GPC5: variants seen among roughly 807,000 people sequenced by gnomAD.
GPC5 encodes glypican-5.
In GPC5, 47 loss-of-function variants were observed where a neutral mutation model predicts 53.9. The ratio of observed to expected loss-of-function variants is 0.87; its 90% CI spans 0.69 to 1.11. GPC5 has a LOEUF of 1.11. Among genes scored for constraint, GPC5 ranks in the 50% most tolerant of loss-of-function variants. The probability of loss-of-function intolerance (pLI) is 0.00; values close to 1 mark genes in which losing one functional copy is unlikely to be tolerated. For synonymous variants in GPC5, 286 were observed against 263.3 expected (o/e 1.09, Z -0.84); for missense variants, 748 against 713.1 (o/e 1.05, Z -0.56).
intron 7 of GPC5, among the ~76,000 whole-genome samples, chr13:92,370,213 A>AT (rs915041828): frequency 1.3e-5 from 2 of 152,134 alleles, no homozygotes; most frequent in African/African-American, 4.8e-5. Flanking sequence ...TTAAAAATGT[A>AT]TTTTTTCCTA....
At chr13:91,812,781 A>G (rs1040578438) in intron 5 of GPC5, among the ~76,000 whole-genome samples, 9 of 152,202 alleles carry the variant, frequency 5.9e-5, no homozygotes, top group Admixed American at 5.2e-4. Context: ...TATATCACCA[A>G]TCACTTAACT....
chr13:92,437,057 C>T (rs1163998035), intron 7 of GPC5, among the ~76,000 whole-genome samples: 1 of 152,160 alleles, frequency 6.6e-6, no homozygotes, highest in African/African-American at 2.4e-5. Context: ...AGCAATCAAA[C>T]TGCAATCCCA....
intron 7 of GPC5, among the ~76,000 whole-genome samples, chr13:92,584,878 C>A (rs538690014): frequency 3.3e-5 from 5 of 152,106 alleles, no homozygotes; most frequent in South Asian, 2.1e-4. Context: ...GGTGGAAGCC[C>A]GAAGCCTTGG....
chr13:92,147,546 T>C (rs1355843084), intron 7 of GPC5, among the ~76,000 whole-genome samples: 1 of 152,076 alleles, frequency 6.6e-6, no homozygotes, highest in Non-Finnish European at 1.5e-5. Context: ...CATATTCAAC[T>C]ACTAATAGTT....
At chr13:92,018,118 A>C (rs1275589216) in intron 6 of GPC5, among the ~76,000 whole-genome samples, 1 of 152,128 alleles carries the variant, frequency 6.6e-6, no homozygotes, top group East Asian at 1.9e-4. Flanking sequence ...CAGAATTGCC[A>C]AATTCATTGC....
In GPC5 at chr13:92,546,789, A is replaced by G. The variant is rs188443709; in HGVS notation, c.1562-319493A>G. 1.7e-3 allele frequency among the ~76,000 whole-genome samples: 253 copies of G among 152,352 alleles called. No homozygotes were observed. The East Asian group carries it at 0.023, about 14-fold the overall frequency. ...ACTATGCTACAAGGCTACAGTAACC[A>G]AAACAGCATGGTACTGCTACCAAAA... On this transcript the variant is annotated intron_variant, in intron 7 of 7. Transcript: ENST00000377067.
At chr13:92,652,429 C>A (rs1885988619) in intron 7 of GPC5, among the ~76,000 whole-genome samples, 1 of 151,938 alleles carries the variant, frequency 6.6e-6, no homozygotes, top group African/African-American at 2.4e-5. Flanking sequence ...GCCAAATTTC[C>A]TGATTTCATT....
chr13:92,765,266 A>C (rs909053100), intron 7 of GPC5, among the ~76,000 whole-genome samples: 18 of 152,170 alleles, frequency 1.2e-4, no homozygotes, highest in African/African-American at 4.1e-4. Flanking sequence ...TGAATTTAAG[A>C]ACAGATTCAT....
chr13:92,402,625 CCCCTCA>C (rs1174002111), intron 7 of GPC5, among the ~76,000 whole-genome samples: 1 of 152,170 alleles, frequency 6.6e-6, no homozygotes, highest in Non-Finnish European at 1.5e-5. Flanking sequence ...GCAGCCTAGA[CCCCTCA>C]CATGCGCAGT....
chr13:91,988,605 A>T (rs924088472), intron 6 of GPC5, among the ~76,000 whole-genome samples: 3 of 152,192 alleles, frequency 2.0e-5, no homozygotes, highest in African/African-American at 2.4e-5. Context: ...ATGCTAAGAA[A>T]GACAAAAATC....
At chr13:92,636,755 A>G (rs1046043909) in intron 7 of GPC5, among the ~76,000 whole-genome samples, 8 of 152,196 alleles carry the variant, frequency 5.3e-5, no homozygotes, top group African/African-American at 1.9e-4. Context: ...AGTGCCTGAC[A>G]TATGGTAGGT....
At chr13:92,226,890 G>T (rs547229626) in intron 7 of GPC5, among the ~76,000 whole-genome samples, 7 of 152,028 alleles carry the variant, frequency 4.6e-5, no homozygotes, top group Admixed American at 2.6e-4. Flanking sequence ...GTGAGCCACC[G>T]TACCTGGCTG....
rs1423046230 is a variant in GPC5, at chr13:91,747,476, T to A, written c.1155-8819T>A. ...GTGCTACAGCCTTTTTCTACTTTAC[T>A]CTGTTGCACAGTGTACAAAGCTGGG... On this transcript the variant is annotated intron_variant, in intron 4 of 7. Coordinates refer to ENST00000377067, the MANE Select transcript of GPC5 (RefSeq NM_004466.6). 2.6e-5 allele frequency among the ~76,000 whole-genome samples: 4 copies of A among 152,326 alleles called. No homozygotes were observed. In the South Asian group the frequency reaches 8.3e-4, roughly 32 times the overall value.
chr13:91,651,798 T>C (rs1453231991), intron 2 of GPC5, among the ~76,000 whole-genome samples: 1 of 152,194 alleles, frequency 6.6e-6, no homozygotes, highest in African/African-American at 2.4e-5. Flanking sequence ...TAAGGAATTC[T>C]AAACATGTGT....
chr13:92,086,866 C>T (rs1043566771), intron 6 of GPC5, among the ~76,000 whole-genome samples: 7 of 152,064 alleles, frequency 4.6e-5, no homozygotes, highest in Non-Finnish European at 7.4e-5. Context: ...ACCATGTTGG[C>T]CAGGCTGGTC....
At chr13:92,606,230 CT>C (rs1197652322) in intron 7 of GPC5, among the ~76,000 whole-genome samples, 2 of 151,988 alleles carry the variant, frequency 1.3e-5, no homozygotes, top group African/African-American at 4.8e-5. Context: ...AATGCTACCC[CT>C]TTCCCTTCCC....
At chr13:91,528,508 T>C (rs1229539922) in intron 2 of GPC5, among the ~76,000 whole-genome samples, 5 of 152,204 alleles carry the variant, frequency 3.3e-5, no homozygotes, top group Admixed American at 6.5e-5. Flanking sequence ...GTCAAAACGA[T>C]TCAACAAGTC....
In GPC5 at chr13:91,593,850, A is replaced by C. The variant is rs117812251; in HGVS notation, c.326-99337A>C. On this transcript the variant is annotated intron_variant, in intron 2 of 7. Transcript: ENST00000377067. ...CAATAAAATAATGTGTGGCCTGATAAATAGCAAAGAGATTTTCTTTCTGGC... is the reference window on the plus strand; with the variant it reads ...CAATAAAATAATGTGTGGCCTGATACATAGCAAAGAGATTTTCTTTCTGGC... Among the ~76,000 whole-genome samples, 68 of 152,256 alleles carry C rather than the reference A, an allele frequency of 4.5e-4. No homozygotes were observed. In the East Asian group the frequency reaches 0.013, roughly 29 times the overall value.
chr13:92,167,871 A>AG (rs1343519076), intron 7 of GPC5, among the ~76,000 whole-genome samples: 1 of 81,990 alleles, frequency 1.2e-5, no homozygotes, highest in South Asian at 6.5e-4. Context: ...CTTAGGACCA[A>AG]GAAAAAAAAA....
Sources: allele counts gnomAD v4.1 joint callset (sites outside exome capture counted in the v4.1 genomes callset), GRCh38; gene constraint gnomAD v4.1.1; transcripts MANE v1.5; gene names NCBI Gene and HGNC (gene_info 2026-07-23, HGNC 2026-07-21).